EVC2: variants seen among roughly 807,000 people sequenced by gnomAD.
EVC2 encodes the protein EvC ciliary complex subunit 2, also known as limbin.
In EVC2, 148 loss-of-function variants were observed where a neutral mutation model predicts 149.3. That is an observed-to-expected ratio of 0.99 (90% CI 0.87 to 1.14). The LOEUF (loss-of-function observed/expected upper bound fraction) is 1.14, where lower values mean the gene tolerates loss of function less well. EVC2 is among the 50% of genes most tolerant of loss of function. The pLI, the probability that EVC2 is intolerant of heterozygous loss-of-function variation, is 0.00. For missense variants in EVC2, 1,854 were observed against 1,627.3 expected (o/e 1.14, Z -2.40); for synonymous variants, 776 against 649.9 (o/e 1.19, Z -2.95).
chr4:5,681,855 A>G (rs1720366849), intron 6 of EVC2, among the ~76,000 whole-genome samples: 1 of 152,212 alleles, frequency 6.6e-6, no homozygotes, highest in South Asian at 2.1e-4. Flanking sequence ...GGTGACCGAC[A>G]AGACCCACCG....
intron 16 of EVC2, among the ~76,000 whole-genome samples, chr4:5,606,756 A>C (rs1714424192): frequency 6.6e-6 from 1 of 152,238 alleles, no homozygotes. Flanking sequence ...ACGAGGTGTA[A>C]GAATTGGGAG....
chr4:5,678,930 C>G (rs1410924608), intron 7 of EVC2, among the ~76,000 whole-genome samples: 1 of 151,870 alleles, frequency 6.6e-6, no homozygotes, highest in Admixed American at 6.6e-5. Flanking sequence ...ACTTGGGAGG[C>G]TGAGGCAGGA....
At chr4:5,535,435 G>A in the EVC2 span, among the ~76,000 whole-genome samples, 11 of 152,136 alleles carry the variant, frequency 7.2e-5, no homozygotes, top group Non-Finnish European at 1.5e-4. The surrounding 1 kb of genome is among the most constrained non-coding windows in gnomAD (Gnocchi z 4.7). Context: ...GTGAGTTACA[G>A]GCTTCTGCTT....
chr4:5,638,515 G>T (rs1717057609), intron 10 of EVC2, among the ~76,000 whole-genome samples: 1 of 152,150 alleles, frequency 6.6e-6, no homozygotes, highest in Admixed American at 6.5e-5. Flanking sequence ...TCGGCTCAAG[G>T]ATGTGGGATG....
intron 9 of EVC2, among the ~76,000 whole-genome samples, chr4:5,648,924 G>A (rs1337833416): frequency 1.3e-5 from 2 of 152,214 alleles, no homozygotes. Flanking sequence ...GGCTGCAAGA[G>A]AGGAAAACAA....
rs1174714642 is a variant in EVC2 at position 5,636,605 on chromosome 4, AT to A, written c.1470+3908del. ...GTAGGTTATGTGCAAATACGACACC[AT>A]TTTATAACAGAGACTTGAGAATTTG... On this transcript the variant is annotated intron_variant, in intron 10 of 21. Transcript: ENST00000344408. The surrounding 1 kb of genome is among the most constrained non-coding windows in gnomAD (Gnocchi z 4.6). Among the ~76,000 whole-genome samples, 1 of 152,124 alleles carries A rather than the reference AT, an allele frequency of 6.6e-6. No individual in the cohort carries two copies. The highest frequency in any genetic ancestry group is 1.5e-5 in the Non-Finnish European group (1 of 68,032).
chr4:5,543,054 A>C, exon 22 of EVC2: 2 of 1,023,586 alleles, frequency 2.0e-6, no homozygotes, highest in East Asian at 1.2e-4. Context: ...ACTATTACGC[A>C]AACAGAGGCT....
intron 21 of EVC2, among the ~76,000 whole-genome samples, chr4:5,564,147 C>T (rs1189650863): frequency 6.6e-6 from 1 of 152,200 alleles, no homozygotes; most frequent in South Asian, 2.1e-4. Context: ...CACTCCATTG[C>T]CATCACCACT....
chr4:5,578,107 C>G (rs1723045450), intron 17 of EVC2, among the ~76,000 whole-genome samples: 1 of 152,202 alleles, frequency 6.6e-6, no homozygotes, highest in South Asian at 2.1e-4. Flanking sequence ...ACCCTTACAC[C>G]TGCCTGCCAC....
At chr4:5,592,596 G>T (rs1167851686) in intron 16 of EVC2, among the ~76,000 whole-genome samples, 1 of 152,220 alleles carries the variant, frequency 6.6e-6, no homozygotes, top group East Asian at 1.9e-4. Flanking sequence ...AGATAGTAAA[G>T]ACTTGAAATT....
At chr4:5,687,262 AAAAAGAAAAG>A (rs1263811924) in intron 5 of EVC2, among the ~76,000 whole-genome samples, 1 of 152,140 alleles carries the variant, frequency 6.6e-6, no homozygotes, top group Non-Finnish European at 1.5e-5. Context: ...CATCTCAAAA[AAAAAGAAAAG>A]AAAAGAAAAG....
At chr4:5,704,479 T>C (rs980210304) in intron 1 of EVC2, among the ~76,000 whole-genome samples, 21 of 152,078 alleles carry the variant, frequency 1.4e-4, no homozygotes, top group Non-Finnish European at 2.4e-4. Flanking sequence ...CCACGGGCCA[T>C]GTCAGGTAGG....
At chr4:5,589,721 G>A (rs13109991) in intron 16 of EVC2, among the ~76,000 whole-genome samples, 50,321 of 151,904 alleles carry the variant, frequency 0.33, 9,452 homozygotes, top group South Asian at 0.46. Flanking sequence ...GAAAATCACT[G>A]TTCCATAGAT....
At chr4:5,602,001 A>G (rs1398303661) in intron 16 of EVC2, among the ~76,000 whole-genome samples, 1 of 152,216 alleles carries the variant, frequency 6.6e-6, no homozygotes, top group East Asian at 1.9e-4. Context: ...AAAGCTGGGC[A>G]TGGTGGCTCA....
chr4:5,637,141 G>C lies in EVC2; in HGVS notation c.1470+3373C>G, dbSNP rs928686869. ...AGGAGAGGGACTGCGTGACAGATGG[G>C]AGTAGGGCACCGACCCAGCATCCTA... On this transcript the variant is annotated intron_variant, in intron 10 of 21. Transcript: ENST00000344408. This position sits in a 1 kb window ranked among gnomAD's most constrained non-coding sequence, Gnocchi z 4.4. Among the ~76,000 whole-genome samples the C allele has an allele frequency of 6.6e-6, 1 of 152,182 alleles. No homozygotes were observed. Among genetic ancestry groups the C allele is most frequent in the Admixed American group, 6.5e-5 (1 of 15,278 alleles).
rs967552543 is a variant in EVC2, at chr4:5,602,044, G to A, written c.2829+13378C>T. Among the ~76,000 whole-genome samples, 6 of 152,184 alleles carry A rather than the reference G, an allele frequency of 3.9e-5. No homozygotes were observed. In the South Asian group the frequency reaches 8.3e-4, roughly 21 times the overall value. ...AATCCCTGCACTTTGGGAGGGCAAG[G>A]CAGAAGAAATGCTTGAGGCCAAGAG... is the stretch of plus-strand genomic sequence containing the variant. On this transcript the variant is annotated intron_variant, in intron 16 of 21. Transcript: ENST00000344408.
intron 21 of EVC2, among the ~76,000 whole-genome samples, chr4:5,552,179 A>G (rs187866485): frequency 6.6e-6 from 1 of 152,260 alleles, no homozygotes; most frequent in African/African-American, 2.4e-5. Context: ...TTACATACTG[A>G]CCTTCTACTA....
the EVC2 span, among the ~76,000 whole-genome samples, chr4:5,534,633 T>C: frequency 6.6e-6 from 1 of 152,316 alleles, no homozygotes; most frequent in East Asian, 1.9e-4. Flanking sequence ...TGTTTGGGCT[T>C]CCTGTTCAGA....
chr4:5,571,038 G>T, intron 19 of EVC2, among the ~76,000 whole-genome samples: 1 of 152,100 alleles, frequency 6.6e-6, no homozygotes, highest in East Asian at 1.9e-4. Flanking sequence ...ACATTGGGCC[G>T]GGCGTCGTGG....
Sources: allele counts gnomAD v4.1 joint callset (sites outside exome capture counted in the v4.1 genomes callset), GRCh38; gene constraint gnomAD v4.1.1; non-coding constraint Gnocchi (gnomAD v3.1); transcripts MANE v1.5; gene names NCBI Gene and HGNC (gene_info 2026-07-23, HGNC 2026-07-21).